Variants in OCA2 observed in about 807,000 individuals in gnomAD.
The protein encoded by OCA2 is P protein.
Under a neutral mutation model 100.2 loss-of-function variants are expected in OCA2, and 77 were observed. The observed-to-expected ratio is 0.77, with a 90% CI of 0.64 to 0.93. OCA2 has a LOEUF of 0.93. OCA2 is among the 40% of genes least tolerant of loss of function. The pLI, the probability that OCA2 is intolerant of heterozygous loss-of-function variation, is 0.00. For synonymous variants in OCA2, 432 were observed against 439.2 expected (o/e 0.98, Z 0.21); for missense variants, 1,062 against 1,089.1 (o/e 0.98, Z 0.35).
intron 9 of OCA2, among the ~76,000 whole-genome samples, chr15:28,004,424 C>T (rs1436894946): frequency 6.6e-6 from 1 of 152,216 alleles, no homozygotes; most frequent in Non-Finnish European, 1.5e-5. Flanking sequence ...CCAAGCTGGG[C>T]TGCAGGGGAG....
At chr15:27,979,387 C>A (rs2041071629) in intron 14 of OCA2, among the ~76,000 whole-genome samples, 1 of 152,120 alleles carries the variant, frequency 6.6e-6, no homozygotes, top group Non-Finnish European at 1.5e-5. Flanking sequence ...TCTGACAATC[C>A]CTGCTTTTTA....
intron 22 of OCA2, among the ~76,000 whole-genome samples, chr15:27,845,518 G>T (rs111508805): frequency 6.6e-6 from 1 of 152,146 alleles, no homozygotes; most frequent in Non-Finnish European, 1.5e-5. Flanking sequence ...TTTCCTTCAC[G>T]TCTTCACCAA....
chr15:27,921,526 A>AACAC lies in OCA2; in HGVS notation c.2079+4597_2079+4600dup, dbSNP rs766384443. Among the ~76,000 whole-genome samples the AACAC allele has an allele frequency of 2.7e-5, 4 of 150,314 alleles. No homozygotes were observed. The South Asian group carries it at 8.4e-4, about 32-fold the overall frequency. The stretch of plus-strand genomic sequence containing the variant: ...AAGAATTGTAGGAAAGATACACACA[A>AACAC]ACACACACACACACACACAAACTGA... On this transcript the variant is annotated intron_variant, in intron 19 of 23. Coordinates refer to ENST00000354638, the MANE Select transcript of OCA2 (RefSeq NM_000275.3).
rs2044995766 is a variant in OCA2 at position 28,096,919 on chromosome 15, C to G, written c.-22+2305G>C. Reference sequence around the variant, plus strand: ...CGAGCAGCGCCAGCAAACGCGCAGCCGGGCACGCGGCCGCCCAGCCCCGCT... The same window carrying G: ...CGAGCAGCGCCAGCAAACGCGCAGCGGGGCACGCGGCCGCCCAGCCCCGCT... On this transcript the variant is annotated intron_variant, in intron 1 of 23. Transcript: ENST00000354638. Among the ~76,000 whole-genome samples, 5 of 152,106 alleles carry G rather than the reference C, an allele frequency of 3.3e-5. 1 individual carries two copies. The South Asian group carries it at 1.0e-3, about 32-fold the overall frequency.
At chr15:27,916,360 A>G (rs377070301) in intron 19 of OCA2, among the ~76,000 whole-genome samples, 8 of 152,146 alleles carry the variant, frequency 5.3e-5, no homozygotes, top group African/African-American at 1.9e-4. Flanking sequence ...AATTGGAAAG[A>G]AAAAAAAGAC....
intron 21 of OCA2, among the ~76,000 whole-genome samples, chr15:27,861,760 AGACTCCCTTT>A (rs368017068): frequency 1.6e-4 from 24 of 152,332 alleles, no homozygotes; most frequent in African/African-American, 5.8e-4. Flanking sequence ...AGAAAGTTTC[AGACTCCCTTT>A]CGAAGTGTCT....
intron 18 of OCA2, among the ~76,000 whole-genome samples, chr15:27,949,483 T>C (rs980099546): frequency 6.6e-6 from 1 of 152,006 alleles, no homozygotes; most frequent in Non-Finnish European, 1.5e-5. Flanking sequence ...GCCAACATAG[T>C]GAAACTCCAG....
chr15:27,880,696 G>T lies in OCA2; in HGVS notation c.2080-8774C>A, dbSNP rs989743016. On this transcript the variant is annotated intron_variant, in intron 19 of 23. Transcript: ENST00000354638. ...GTGTATAGGAATGCCTGTGATTCTTGCACATTGTTTTTGTATCCTGAGACT... is the reference window on the plus strand; with the variant it reads ...GTGTATAGGAATGCCTGTGATTCTTTCACATTGTTTTTGTATCCTGAGACT... Among the ~76,000 whole-genome samples the T allele has an allele frequency of 2.0e-5, 3 of 152,104 alleles. No individual in the cohort carries two copies. In the East Asian group the frequency reaches 5.8e-4, roughly 29 times the overall value.
intron 23 of OCA2, among the ~76,000 whole-genome samples, chr15:27,775,001 T>G (rs539866902): frequency 2.5e-4 from 33 of 130,280 alleles, no homozygotes; most frequent in African/African-American, 7.7e-4. Context: ...AATCCAGCCC[T>G]CTTTAGTTTG....
chr15:27,814,692 A>C (rs891302944), intron 23 of OCA2, among the ~76,000 whole-genome samples: 2 of 152,194 alleles, frequency 1.3e-5, no homozygotes, highest in Non-Finnish European at 2.9e-5. Flanking sequence ...AGCCTGGCCA[A>C]CATGGCAAAA....
At position 27,942,239 on chromosome 15, in the gene OCA2, C is replaced by CATATGATATTATATATGAT. The variant is rs1453702799; in HGVS notation, c.1951+9544_1951+9545insATCATATATAATATCATAT. Among the ~76,000 whole-genome samples the CATATGATATTATATATGAT allele has an allele frequency of 2.1e-3, 308 of 147,892 alleles. 1 individual carries two copies. The highest frequency in any genetic ancestry group is 7.0e-3 in the African/African-American group (285 of 40,630). ...AATATATGATATTATATATGATATA[C>CATATGATATTATATATGAT]ATACGATATACATAATATATATGAT... On this transcript the variant is annotated intron_variant, in intron 18 of 23. Coordinates refer to ENST00000354638, the MANE Select transcript of OCA2 (RefSeq NM_000275.3).
At chr15:27,938,329 T>G (rs117117538) in intron 18 of OCA2, among the ~76,000 whole-genome samples, 7,304 of 152,268 alleles carry the variant, frequency 0.048, 265 homozygotes, top group South Asian at 0.13. Flanking sequence ...AGGAGGTAGC[T>G]AAGCATCCAC....
intron 18 of OCA2, among the ~76,000 whole-genome samples, chr15:27,930,278 G>A (rs1482192062): frequency 1.3e-5 from 2 of 152,138 alleles, no homozygotes; most frequent in African/African-American, 4.8e-5. Context: ...AAAAGATGGT[G>A]TAATACTCAA....
downstream of OCA2, among the ~76,000 whole-genome samples, chr15:27,752,812 C>G (rs984759032): frequency 2.4e-4 from 29 of 122,512 alleles, no homozygotes; most frequent in African/African-American, 7.1e-4. Flanking sequence ...CCCCCCCCCC[C>G]CCCCAGAGGC....
intron 1 of OCA2, among the ~76,000 whole-genome samples, chr15:28,095,316 C>T (rs2044954424): frequency 6.6e-6 from 1 of 152,188 alleles, no homozygotes; most frequent in Admixed American, 6.5e-5. Flanking sequence ...GGGACCGCGG[C>T]CCTCCCACCC....
At chr15:28,053,804 G>A (rs1444309418) in intron 2 of OCA2, among the ~76,000 whole-genome samples, 1 of 152,222 alleles carries the variant, frequency 6.6e-6, no homozygotes, top group African/African-American at 2.4e-5. Flanking sequence ...GGCAGGAATT[G>A]TTGTTATGTC....
chr15:27,935,952 A>G (rs2039435869), intron 18 of OCA2, among the ~76,000 whole-genome samples: 1 of 152,188 alleles, frequency 6.6e-6, no homozygotes, highest in Admixed American at 6.5e-5. Context: ...ATCTCCAGAG[A>G]GTATCTCAAC....
At chr15:27,791,626 A>G (rs1033305436) in intron 23 of OCA2, among the ~76,000 whole-genome samples, 1 of 152,224 alleles carries the variant, frequency 6.6e-6, no homozygotes, top group African/African-American at 2.4e-5. Flanking sequence ...TCTACAGCAC[A>G]TGACTGAATT....
At position 27,918,659 on chromosome 15, in the gene OCA2, A is replaced by AC. The variant is rs199993193; in HGVS notation, c.2079+7467dup. ...ATATTATATCCCTATAGTTTCCAGA[A>AC]CTTTTTTTAATCAACAGAATGAAAT... On this transcript the variant is annotated intron_variant, in intron 19 of 23. Coordinates refer to ENST00000354638, the MANE Select transcript of OCA2 (RefSeq NM_000275.3). Among the ~76,000 whole-genome samples the AC allele has an allele frequency of 5.6e-3, 853 of 152,278 alleles. 4 individuals are homozygous for AC. Among genetic ancestry groups the AC allele is most frequent in the Non-Finnish European group, 7.9e-3 (538 of 68,012 alleles).
Sources: gnomAD v4.1 joint callset for allele counts (sites outside exome capture counted in the v4.1 genomes callset) on GRCh38, gnomAD v4.1.1 for gene constraint, MANE v1.5 for transcripts, NCBI Gene and HGNC (gene_info 2026-07-23, HGNC 2026-07-21) for gene names.